The following PDE4D variants were observed in gnomAD, a reference collection of about 807,000 sequenced individuals.
PDE4D encodes 3',5'-cyclic-AMP phosphodiesterase 4D.
A neutral mutation model predicts 87.4 loss-of-function variants in PDE4D; 24 were observed. That is an observed-to-expected ratio of 0.27 (90% CI 0.20 to 0.39). The LOEUF (loss-of-function observed/expected upper bound fraction) is 0.39. Among genes scored for constraint, PDE4D ranks in the 10% least tolerant of loss-of-function variants. PDE4D has a pLI of 1.00. For missense variants in PDE4D, 714 were observed against 1,041.0 expected (o/e 0.69, Z 4.32); for synonymous variants, 384 against 383.2 (o/e 1.00, Z -0.02).
chr5:59,857,848 G>A (rs1303970348), intron 1 of PDE4D, among the ~76,000 whole-genome samples: 1 of 145,608 alleles, frequency 6.9e-6, no homozygotes, highest in African/African-American at 2.5e-5. Flanking sequence ...GAGAAATGGA[G>A]GAAAGGAGGG....
At position 59,736,084 on chromosome 5, in the gene PDE4D, T is replaced by A. The variant is rs1244736531; in HGVS notation, c.455+157084A>T. ...GACAAAAAGAAATAAAATACATGTATAACATTGTGCACATGTACCCTAAAA... is the reference window on the plus strand; with the variant it reads ...GACAAAAAGAAATAAAATACATGTAAAACATTGTGCACATGTACCCTAAAA... On this transcript the variant is annotated intron_variant, in intron 1 of 14. Coordinates refer to ENST00000340635, the MANE Select transcript of PDE4D (RefSeq NM_001104631.2). 3.2e-4 allele frequency among the ~76,000 whole-genome samples: 48 copies of A among 151,620 alleles called. 1 individual carries two copies. Among genetic ancestry groups the A allele is most frequent in the Non-Finnish European group, 2.9e-5 (2 of 67,932 alleles).
chr5:59,624,253 T>A (rs961372126), intron 1 of PDE4D, among the ~76,000 whole-genome samples: 4 of 152,188 alleles, frequency 2.6e-5, no homozygotes, highest in Non-Finnish European at 4.4e-5. Context: ...CCCTGTTCCA[T>A]CCTTTGGGGC....
intron 1 of PDE4D, among the ~76,000 whole-genome samples, chr5:60,433,472 G>A (rs1744517965): frequency 6.6e-6 from 1 of 152,174 alleles, no homozygotes; most frequent in African/African-American, 2.4e-5. Flanking sequence ...CACTGCTAGT[G>A]GGAATGTAAA....
intron 1 of PDE4D, among the ~76,000 whole-genome samples, chr5:59,825,423 T>C (rs1177005051): frequency 6.6e-6 from 1 of 152,016 alleles, no homozygotes; most frequent in Non-Finnish European, 1.5e-5. Context: ...GCACTGCACA[T>C]GGGTGGGGAG....
intron 4 of PDE4D, among the ~76,000 whole-genome samples, chr5:59,181,571 T>TATATATATATATATATATATA (rs1554090340): frequency 3.0e-5 from 4 of 133,576 alleles, no homozygotes; most frequent in African/African-American, 1.1e-4. Flanking sequence ...TATATATATA[T>TATATATATATATATATATATA]TAGGTATATA....
intron 2 of PDE4D, among the ~76,000 whole-genome samples, chr5:60,182,844 C>T (rs539119511): frequency 4.0e-5 from 6 of 151,186 alleles, no homozygotes; most frequent in Non-Finnish European, 8.8e-5. Flanking sequence ...CGCGCCACTG[C>T]GCTCCAGCCT....
chr5:59,146,640 T>A (rs1443363641), intron 5 of PDE4D, among the ~76,000 whole-genome samples: 2 of 152,184 alleles, frequency 1.3e-5, no homozygotes. Flanking sequence ...ATTTTCAAAT[T>A]GTACTTGGAA....
intron 1 of PDE4D, among the ~76,000 whole-genome samples, chr5:60,350,100 T>C (rs1759053987): frequency 6.6e-6 from 1 of 152,002 alleles, no homozygotes; most frequent in African/African-American, 2.4e-5. Flanking sequence ...ACCCTGAAAA[T>C]ATTACCCTAG....
At chr5:60,103,696 T>A (rs1021348883) in intron 2 of PDE4D, among the ~76,000 whole-genome samples, 2 of 152,208 alleles carry the variant, frequency 1.3e-5, no homozygotes, top group Non-Finnish European at 2.9e-5. Context: ...CAAGCTTTAA[T>A]CTTTCAAGAG....
intron 2 of PDE4D, among the ~76,000 whole-genome samples, chr5:60,097,279 G>C (rs1775775743): frequency 2.0e-5 from 3 of 151,974 alleles, no homozygotes; most frequent in African/African-American, 7.2e-5. Flanking sequence ...GTGTGTGTGT[G>C]TGTGTGTGTT....
chr5:60,486,292 T>C (rs1259705962), intron 1 of PDE4D, among the ~76,000 whole-genome samples: 1 of 152,210 alleles, frequency 6.6e-6, no homozygotes, highest in Non-Finnish European at 1.5e-5. Flanking sequence ...ACCATTACTA[T>C]TCGTGTCTAT....
intron 10 of PDE4D, 47 bp from the exon 11 acceptor site, chr5:58,988,639 T>A: frequency 1.2e-6 from 1 of 805,062 alleles, no homozygotes; most frequent in Non-Finnish European, 1.9e-6. Context: ...TACAATGATA[T>A]GAATTAAAAG....
chr5:59,214,994 C>A (rs999956324), intron 2 of PDE4D, among the ~76,000 whole-genome samples: 1 of 151,924 alleles, frequency 6.6e-6, no homozygotes, highest in Non-Finnish European at 1.5e-5. Context: ...AATGTATAGA[C>A]CAAGAGAGAA....
intron 1 of PDE4D, among the ~76,000 whole-genome samples, chr5:60,327,907 T>C (rs979405081): frequency 1.3e-5 from 2 of 152,196 alleles, no homozygotes; most frequent in Admixed American, 6.5e-5. Flanking sequence ...ATGATTTTTA[T>C]GTTTTTTCTA....
At chr5:60,251,931 CT>C (rs895024952) in intron 1 of PDE4D, among the ~76,000 whole-genome samples, 70 of 151,950 alleles carry the variant, frequency 4.6e-4, no homozygotes, top group African/African-American at 1.6e-3. Context: ...ACAGAGGTCA[CT>C]TTTTTTCCTC....
intron 5 of PDE4D, chr5:59,179,542 A>T (rs548221004): frequency 3.0e-6 from 1 of 336,424 alleles, no homozygotes; most frequent in East Asian, 9.7e-5. Context: ...CATTCATTGA[A>T]ATACAAGTTT....
chr5:59,293,377 A>G (rs1768423174), intron 1 of PDE4D, among the ~76,000 whole-genome samples: 1 of 152,074 alleles, frequency 6.6e-6, no homozygotes, highest in Non-Finnish European at 1.5e-5. Context: ...ACAAAATAGG[A>G]GGATCATTAA....
intron 1 of PDE4D, among the ~76,000 whole-genome samples, chr5:60,409,310 A>G (rs1196967035): frequency 6.6e-6 from 1 of 152,106 alleles, no homozygotes; most frequent in Admixed American, 6.5e-5. Context: ...ACATACCCCA[A>G]AGCAGGAAAA....
chr5:60,152,881 T>C (rs1781636137), intron 2 of PDE4D, among the ~76,000 whole-genome samples: 1 of 152,218 alleles, frequency 6.6e-6, no homozygotes, highest in Admixed American at 6.5e-5. Flanking sequence ...TCCCTTATGA[T>C]CCATTTGATT....
Sources: allele counts gnomAD v4.1 joint callset (sites outside exome capture counted in the v4.1 genomes callset), GRCh38; gene constraint gnomAD v4.1.1; transcripts MANE v1.5; gene names NCBI Gene and HGNC (gene_info 2026-07-23, HGNC 2026-07-21).